UPF3B: variants seen among roughly 807,000 people sequenced by gnomAD.
UPF3B encodes regulator of nonsense transcripts 3B.
UPF3B carries 7 observed loss-of-function variants against 40.3 expected under a neutral mutation model. The ratio of observed to expected loss-of-function variants is 0.17; its 90% CI spans 0.10 to 0.33. The LOEUF is 0.33. Ranked by LOEUF, UPF3B falls within the 10% of genes least tolerant of loss-of-function variation. The pLI is 1.00. For synonymous variants in UPF3B, 117 were observed against 117.3 expected, an observed-to-expected ratio of 1.00 and a Z score of 0.01; for missense variants, 229 against 358.9, an observed-to-expected ratio of 0.64 and a Z score of 2.93.
intron 6 of UPF3B, among the ~76,000 whole-genome samples, chrX:119,807,027 TAAAAAAAAAAAAA>T (rs1191950024): frequency 9.3e-4 from 20 of 21,418 alleles, no homozygotes; most frequent in East Asian, 1.5e-3. Context: ...AGACCCTGTC[TAAAAAAAAAAAAA>T]AAAAAAAAAA....
intron 6 of UPF3B, 124 bp from the exon 7 acceptor site, chrX:119,841,382 T>G: frequency 9.2e-7 from 1 of 1,088,723 alleles, no homozygotes; most frequent in Non-Finnish European, 1.2e-6. Flanking sequence ...CAAAGTGGCA[T>G]TCTACCACCG....
intron 4 of UPF3B, among the ~76,000 whole-genome samples, chrX:119,818,444 G>A (rs1029405002): frequency 3.6e-5 from 4 of 111,179 alleles, no homozygotes; most frequent in Non-Finnish European, 5.7e-5. Flanking sequence ...AACTGGGTGC[G>A]GTGGCAGGTG....
chrX:119,807,510 G>T, exon 6 of UPF3B: 1 of 873,766 alleles, frequency 1.1e-6, no homozygotes. Flanking sequence ...CCAGATTGGT[G>T]CTGCCATCTT....
chrX:119,840,559 C>T, intron 8 of UPF3B, 87 bp downstream of exon 8: 4 of 842,557 alleles, frequency 4.7e-6, no homozygotes, highest in Non-Finnish European at 6.9e-6. Flanking sequence ...GTAACACTAC[C>T]ACCACCACCA....
At chrX:119,808,121 C>T (rs1352769299) in intron 5 of UPF3B, among the ~76,000 whole-genome samples, 1 of 111,821 alleles carries the variant, frequency 8.9e-6, no homozygotes, top group Non-Finnish European at 1.9e-5. Flanking sequence ...CTCAAGTTAT[C>T]TGCCTGCCTC....
At chrX:119,823,020 G>A (rs1569459561) in exon 4 of UPF3B, 1 of 868,365 alleles carries the variant, frequency 1.2e-6, no homozygotes, top group Non-Finnish European at 1.4e-6. Flanking sequence ...CTCCTCGATG[G>A]TAACACTGCA....
intron 5 of UPF3B, among the ~76,000 whole-genome samples, chrX:119,815,019 C>G (rs774685462): frequency 5.5e-5 from 6 of 109,326 alleles, no homozygotes; most frequent in African/African-American, 3.3e-5. Flanking sequence ...GCACCTGGCA[C>G]CACGCCTGGC....
chrX:119,823,558 CTTTTTTT>C (rs1193140140), intron 3 of UPF3B, among the ~76,000 whole-genome samples: 11 of 20,064 alleles, frequency 5.5e-4, no homozygotes, highest in Admixed American at 9.1e-4. Flanking sequence ...TTTTTTTCCT[CTTTTTTT>C]TTTTTTTTTT....
chrX:119,848,565 A>G (rs1244327362), intron 3 of UPF3B, among the ~76,000 whole-genome samples: 1 of 111,544 alleles, frequency 9.0e-6, no homozygotes. Context: ...ATATACCTTA[A>G]TGCTACTGAA....
intron 10 of UPF3B, among the ~76,000 whole-genome samples, chrX:119,835,348 C>T (rs776502798): frequency 3.2e-4 from 36 of 111,549 alleles, no homozygotes; most frequent in African/African-American, 1.0e-3. Context: ...ACGATCCTCC[C>T]ACCTCAGGTA....
downstream of UPF3B, among the ~76,000 whole-genome samples, chrX:119,832,069 C>CAG (rs2056042958): frequency 8.9e-6 from 1 of 111,881 alleles, no homozygotes; most frequent in South Asian, 3.7e-4. Flanking sequence ...AGGCGATCCT[C>CAG]CCATCTCAGC....
At chrX:119,837,023 A>AACCTCC (rs958488713) in intron 10 of UPF3B, among the ~76,000 whole-genome samples, 13 of 104,690 alleles carry the variant, frequency 1.2e-4, no homozygotes, top group Non-Finnish European at 2.3e-4. Flanking sequence ...GGCTCACCTC[A>AACCTCC]ACCTCCACCT....
At chrX:119,851,269 T>C (rs1282468674) in intron 3 of UPF3B, among the ~76,000 whole-genome samples, 1 of 111,955 alleles carries the variant, frequency 8.9e-6, no homozygotes, top group African/African-American at 3.2e-5. Context: ...GGGCAAAAAA[T>C]GTGTCACACG....
At chrX:119,828,189 A>C (rs1008666155) in intron 3 of UPF3B, among the ~76,000 whole-genome samples, 1 of 110,243 alleles carries the variant, frequency 9.1e-6, no homozygotes, top group Non-Finnish European at 1.9e-5. Context: ...ATGTAATTGG[A>C]GCTGGAAGGA....
chrX:119,834,692 T>A lies in UPF3B; in HGVS notation c.*186A>T. The A allele has an allele frequency of 9.1e-7, 1 of 1,100,482 alleles. No homozygotes were observed. Among genetic ancestry groups the A allele is most frequent in the Non-Finnish European group, 1.2e-6 (1 of 847,475 alleles). The allele number at this position is 1,100,482 out of a possible 1,213,427, so 90.7% of individuals were successfully genotyped here. A position where few individuals can be genotyped will look rare whatever the true frequency, so the allele number is the denominator to read the frequency against. ...AGAAATTGCAAAAGCAATGAAATTGTACTTCCAATTCTGAACCTCTGATCA... is the reference window on the plus strand; with the variant it reads ...AGAAATTGCAAAAGCAATGAAATTGAACTTCCAATTCTGAACCTCTGATCA... On this transcript the variant is annotated 3_prime_UTR_variant, in exon 11 of 11. Transcript: ENST00000276201.
At chrX:119,850,228 A>G (rs2056286680) in intron 3 of UPF3B, among the ~76,000 whole-genome samples, 1 of 111,548 alleles carries the variant, frequency 9.0e-6, no homozygotes, top group Admixed American at 9.6e-5. Flanking sequence ...GAGTCCAGGA[A>G]TTCCAGGCTG....
chrX:119,823,555 CCTCT>C, intron 3 of UPF3B, among the ~76,000 whole-genome samples: 1 of 68,926 alleles, frequency 1.5e-5, no homozygotes, highest in African/African-American at 6.4e-5. Context: ...TTCTTTTTTT[CCTCT>C]TTTTTTTTTT....
At position 119,852,877 on chromosome X, in the gene UPF3B, T is replaced by G. The variant is rs748622995; in HGVS notation, c.52A>C (p.Thr18Pro). 2.0e-5 allele frequency: 24 copies of G among 1,210,645 alleles called. No individual in the cohort carries two copies. The highest frequency in any genetic ancestry group is 2.6e-5 in the Non-Finnish European group (23 of 895,301). ...CCGCTGCCTGTGGCCCCGGCGGGGG[T>G]TAACAGGGTTACTCGCTTCTCCTTA... ...RPKEKRVTLL[T>P]PAGATGSGGG... is the part of the protein sequence containing the mutation. The change falls in exon 1 of 11, where the codon ACC becomes CCC. Residue 18 changes from threonine (T) to proline (P), a missense_variant. Thr to Pro is a conservative substitution (Grantham distance 38). This residue lies in a region of UPF3B where 23 missense variants were observed against 21.0 expected (regional missense o/e 1.10). Transcript: ENST00000276201.
At chrX:119,833,556 G>A (rs2056058719), downstream of UPF3B, among the ~76,000 whole-genome samples, 4 of 111,272 alleles carry the variant, frequency 3.6e-5, no homozygotes, top group Admixed American at 3.9e-4. Flanking sequence ...GCCCTGGCTG[G>A]AGTGCAGAGG....
Sources: allele counts gnomAD v4.1 joint callset (sites outside exome capture counted in the v4.1 genomes callset), GRCh38; gene constraint gnomAD v4.1.1; regional missense constraint gnomAD v4.1.1; transcripts MANE v1.5; gene names NCBI Gene and HGNC (gene_info 2026-07-23, HGNC 2026-07-21).